Variants in FNDC3B observed in about 807,000 individuals in gnomAD.
The protein encoded by FNDC3B is fibronectin type III domain containing 3B, also known as fibronectin type III domain-containing protein 3B.
FNDC3B carries 12 observed loss-of-function variants against 151.5 expected under a neutral mutation model. The observed-to-expected ratio is 0.08, with a 90% CI of 0.05 to 0.13. The LOEUF is 0.13. Ranked by LOEUF, FNDC3B falls within the 10% of genes least tolerant of loss-of-function variation. The pLI, the probability that FNDC3B is intolerant of heterozygous loss-of-function variation, is 1.00. For missense variants in FNDC3B, 1,214 were observed against 1,505.3 expected (o/e 0.81, Z 3.20); for synonymous variants, 528 against 549.0 (o/e 0.96, Z 0.54).
intron 1 of FNDC3B, among the ~76,000 whole-genome samples, chr3:172,061,398 A>AT (rs995745698): frequency 1.5e-4 from 22 of 150,566 alleles, no homozygotes; most frequent in Admixed American, 6.6e-4. Context: ...AAGCCCGGCT[A>AT]TTTTTTTTTA....
At chr3:172,395,981 A>C (rs1383801392) in intron 25 of FNDC3B, among the ~76,000 whole-genome samples, 1 of 152,214 alleles carries the variant, frequency 6.6e-6, no homozygotes. Flanking sequence ...TCTCTTGAGA[A>C]AACTGTTTCT....
chr3:172,217,990 A>G (rs1487411811), intron 3 of FNDC3B, among the ~76,000 whole-genome samples: 1 of 152,114 alleles, frequency 6.6e-6, no homozygotes, highest in African/African-American at 2.4e-5. Flanking sequence ...GTAGTGATAT[A>G]CGTTAAGATT....
intron 23 of FNDC3B, among the ~76,000 whole-genome samples, chr3:172,375,218 G>A (rs1210491658): frequency 6.6e-6 from 1 of 152,234 alleles, no homozygotes; most frequent in Non-Finnish European, 1.5e-5. Context: ...ACTTCAGAGT[G>A]AGATGACTGG....
At chr3:172,049,349 T>A (rs529201246) in intron 1 of FNDC3B, among the ~76,000 whole-genome samples, 2 of 152,130 alleles carry the variant, frequency 1.3e-5, no homozygotes, top group East Asian at 3.9e-4. Flanking sequence ...TAAAAGTAGA[T>A]CTCTGGAGGG....
chr3:172,186,038 C>T (rs1272906034), intron 3 of FNDC3B, among the ~76,000 whole-genome samples: 1 of 152,114 alleles, frequency 6.6e-6, no homozygotes, highest in African/African-American at 2.4e-5. Flanking sequence ...ACAAGTGTCT[C>T]AAGTGAGAGA....
At chr3:172,074,923 C>G (rs16856868) in intron 1 of FNDC3B, among the ~76,000 whole-genome samples, 10,690 of 152,210 alleles carry the variant, frequency 0.07, 477 homozygotes, top group East Asian at 0.2. Flanking sequence ...CGAGTGAAAG[C>G]CTGTGTGATT....
At chr3:172,127,383 C>T (rs370018304) in intron 2 of FNDC3B, among the ~76,000 whole-genome samples, 2 of 152,118 alleles carry the variant, frequency 1.3e-5, no homozygotes, top group Non-Finnish European at 2.9e-5. Flanking sequence ...GTGGACTAGA[C>T]GAGTATACAT....
At chr3:172,111,119 A>T (rs1053922834) in intron 1 of FNDC3B, among the ~76,000 whole-genome samples, 1 of 148,264 alleles carries the variant, frequency 6.7e-6, no homozygotes, top group Non-Finnish European at 1.5e-5. Context: ...AAAAAAAAAG[A>T]TAGGCCTGTG....
intron 3 of FNDC3B, among the ~76,000 whole-genome samples, chr3:172,222,821 G>A (rs934416605): frequency 3.3e-5 from 5 of 152,200 alleles, no homozygotes; most frequent in African/African-American, 1.2e-4. Context: ...GGGCGCCCCT[G>A]CTCTTGGGGA....
intron 1 of FNDC3B, among the ~76,000 whole-genome samples, chr3:172,086,356 T>C (rs541049087): frequency 5.4e-5 from 5 of 92,522 alleles, no homozygotes; most frequent in African/African-American, 1.8e-4. Context: ...CAAGACCTGA[T>C]CTTTAAAAAA....
chr3:172,076,876 G>C (rs1160538719), intron 1 of FNDC3B, among the ~76,000 whole-genome samples: 1 of 152,060 alleles, frequency 6.6e-6, no homozygotes, highest in African/African-American at 2.4e-5. Flanking sequence ...TTTGGGCCAA[G>C]GTTAATGGTT....
chr3:172,228,628 C>G lies in FNDC3B; in HGVS notation c.264+1681C>G, dbSNP rs756383902. Among the ~76,000 whole-genome samples the G allele has an allele frequency of 1.3e-4, 20 of 152,186 alleles. 1 individual carries two copies. Among genetic ancestry groups the G allele is most frequent in the Admixed American group, 1.0e-3 (16 of 15,280 alleles). On this transcript the variant is annotated intron_variant, in intron 4 of 25. Transcript: ENST00000415807. ...TAGAGTAAAAGTAGAGCTGTACACT[C>G]GCTTGTATGAAACTGATGATGGAAG... is the stretch of plus-strand genomic sequence containing the variant.
At chr3:172,094,567 A>G (rs2108514896) in intron 1 of FNDC3B, among the ~76,000 whole-genome samples, 1 of 152,292 alleles carries the variant, frequency 6.6e-6, no homozygotes, top group African/African-American at 2.4e-5. Flanking sequence ...TTGTGTGTCC[A>G]TTCTTCTGTT....
At chr3:172,095,026 C>A (rs1044330866) in intron 1 of FNDC3B, among the ~76,000 whole-genome samples, 16 of 151,886 alleles carry the variant, frequency 1.1e-4, no homozygotes, top group African/African-American at 3.9e-4. Context: ...AGGTAACAGA[C>A]TTCATCAAAG....
intron 13 of FNDC3B, among the ~76,000 whole-genome samples, chr3:172,331,045 A>T (rs941457610): frequency 2.6e-5 from 4 of 152,150 alleles, no homozygotes; most frequent in Admixed American, 2.0e-4. Context: ...CACTCATCTC[A>T]CCTGTGGATT....
At chr3:172,370,173 T>C (rs963976385) in intron 23 of FNDC3B, among the ~76,000 whole-genome samples, 1 of 152,168 alleles carries the variant, frequency 6.6e-6, no homozygotes, top group African/African-American at 2.4e-5. Flanking sequence ...AGGTAGTAAA[T>C]ATAGAAACGT....
At chr3:172,275,058 A>G (rs1251846039) in intron 6 of FNDC3B, among the ~76,000 whole-genome samples, 1 of 152,094 alleles carries the variant, frequency 6.6e-6, no homozygotes, top group Non-Finnish European at 1.5e-5. Context: ...AGATTAGTCC[A>G]TGACCTAAAT....
chr3:172,098,016 A>T (rs919410633), intron 1 of FNDC3B, among the ~76,000 whole-genome samples: 36 of 145,340 alleles, frequency 2.5e-4, no homozygotes, highest in Non-Finnish European at 4.1e-4. Context: ...GCTGCAAGAA[A>T]TTTTTTTTTT....
chr3:172,297,348 A>G (rs1316305891), intron 8 of FNDC3B, among the ~76,000 whole-genome samples: 3 of 152,148 alleles, frequency 2.0e-5, no homozygotes. Flanking sequence ...ATGTCCCCAA[A>G]ATAGAGAAAT....
Sources: gnomAD v4.1 joint callset for allele counts (sites outside exome capture counted in the v4.1 genomes callset) on GRCh38, gnomAD v4.1.1 for gene constraint, MANE v1.5 for transcripts, NCBI Gene and HGNC (gene_info 2026-07-23, HGNC 2026-07-21) for gene names.